GKAP1: variants seen among roughly 807,000 people sequenced by gnomAD.
The protein encoded by GKAP1 is G kinase-anchoring protein 1.
In GKAP1, 31 loss-of-function variants were observed where a neutral mutation model predicts 56.7. That is an observed-to-expected ratio of 0.55 (90% CI 0.41 to 0.74). GKAP1 has a LOEUF of 0.74. GKAP1 is among the 30% of genes least tolerant of loss of function. The pLI is 0.00. For synonymous variants in GKAP1, 151 were observed against 138.6 expected (o/e 1.09, Z -0.63); for missense variants, 364 against 402.3 (o/e 0.90, Z 0.82).
intron 9 of GKAP1, among the ~76,000 whole-genome samples, chr9:83,752,992 G>A (rs937446982): frequency 1.4e-4 from 22 of 151,980 alleles, no homozygotes; most frequent in African/African-American, 4.8e-4. Flanking sequence ...GAACCCAGGC[G>A]GAGGTTGCAC....
intron 8 of GKAP1, among the ~76,000 whole-genome samples, chr9:83,763,572 T>C (rs539975421): frequency 6.6e-6 from 1 of 152,286 alleles, no homozygotes; most frequent in South Asian, 2.1e-4. Flanking sequence ...TTAAAATTTC[T>C]TTAAAAAGAG....
At chr9:83,792,612 T>C (rs1944179665) in intron 4 of GKAP1, among the ~76,000 whole-genome samples, 1 of 152,136 alleles carries the variant, frequency 6.6e-6, no homozygotes, top group South Asian at 2.1e-4. Context: ...AGCACAAGAC[T>C]AACACATATC....
At chr9:83,816,104 G>C (rs1400295445) in intron 2 of GKAP1, among the ~76,000 whole-genome samples, 5 of 151,344 alleles carry the variant, frequency 3.3e-5, no homozygotes, top group Admixed American at 2.6e-4. Context: ...CAGGAGAGCT[G>C]CTTGAACCTG....
In GKAP1 at chr9:83,748,293, C is replaced by G. The variant is rs370107727; in HGVS notation, c.904+16G>C. ...TAAGATAAACTTTTAATTACAAAAA[C>G]ATAAAATCCACTTACTTTCACCTTC... On this transcript the variant is annotated intron_variant, in intron 10 of 12. Coordinates refer to ENST00000376371, the MANE Select transcript of GKAP1 (RefSeq NM_025211.4). 14 of 1,548,438 alleles carry G rather than the reference C, an allele frequency of 9.0e-6. No homozygotes were observed. The African/African-American group carries it at 1.9e-4, about 21-fold the overall frequency.
intron 3 of GKAP1, among the ~76,000 whole-genome samples, chr9:83,805,428 AT>A (rs1203821351): frequency 5.3e-5 from 8 of 151,778 alleles, no homozygotes. Flanking sequence ...ACCCTGCCAA[AT>A]CCCCCTCTGC....
At chr9:83,745,126 G>A (rs1943270467) in intron 10 of GKAP1, among the ~76,000 whole-genome samples, 1 of 152,176 alleles carries the variant, frequency 6.6e-6, no homozygotes, top group East Asian at 1.9e-4. Context: ...AGCCTCCTGG[G>A]CTCATGCAAT....
In GKAP1 at chr9:83,739,641, A is replaced by G. The variant is rs1316690277; in HGVS notation, c.*56T>C. ...AGTTGCACAGCATTAAATATATACAACTTTGCAAAATCCTGGAAGTTTTAA... is the reference window on the plus strand; with the variant it reads ...AGTTGCACAGCATTAAATATATACAGCTTTGCAAAATCCTGGAAGTTTTAA... On this transcript the variant is annotated 3_prime_UTR_variant, in exon 13 of 13. Coordinates refer to ENST00000376371, the MANE Select transcript of GKAP1 (RefSeq NM_025211.4). 6.8e-7 allele frequency: 1 copy of G among 1,461,228 alleles called. No homozygotes were observed. The highest frequency in any genetic ancestry group is 9.4e-7 in the Non-Finnish European group (1 of 1,063,428). The allele number at this position is 1,461,228 out of a possible 1,614,324, so 90.5% of individuals were successfully genotyped here.
intron 9 of GKAP1, 85 bp downstream of exon 9, chr9:83,753,173 A>G: frequency 1.3e-6 from 1 of 748,858 alleles, no homozygotes; most frequent in Non-Finnish European, 2.3e-6. Flanking sequence ...TGAATTGCAT[A>G]TTAAACATAT....
At chr9:83,815,974 T>A (rs1321789156) in intron 2 of GKAP1, among the ~76,000 whole-genome samples, 1 of 144,502 alleles carries the variant, frequency 6.9e-6, no homozygotes, top group Non-Finnish European at 1.5e-5. Context: ...GATCACGAGG[T>A]CAGGAGTTCC....
At chr9:83,744,668 C>T (rs932759280) in intron 10 of GKAP1, among the ~76,000 whole-genome samples, 1 of 152,042 alleles carries the variant, frequency 6.6e-6, no homozygotes, top group Non-Finnish European at 1.5e-5. Flanking sequence ...TCCTTTTTCT[C>T]GTAAGTATTG....
At chr9:83,814,439 C>T (rs1368388590) in intron 2 of GKAP1, among the ~76,000 whole-genome samples, 5 of 152,194 alleles carry the variant, frequency 3.3e-5, no homozygotes, top group Admixed American at 6.5e-5. Context: ...CGTTCTCTGA[C>T]CTGTTCCTGA....
chr9:83,767,770 C>T (rs986932510), intron 8 of GKAP1, among the ~76,000 whole-genome samples: 1 of 152,104 alleles, frequency 6.6e-6, no homozygotes, highest in Non-Finnish European at 1.5e-5. Context: ...TCACTGCAAC[C>T]CCACCTCCTG....
rs554117491 is a variant in GKAP1 at position 83,775,480 on chromosome 9, T to C, written c.585+4902A>G. ...ATATGATAGGAAATATATCACACCATCTAGGAAATATTCTTGCCTCCCTCA... is the reference window on the plus strand; with the variant it reads ...ATATGATAGGAAATATATCACACCACCTAGGAAATATTCTTGCCTCCCTCA... On this transcript the variant is annotated intron_variant, in intron 7 of 12. Coordinates refer to ENST00000376371, the MANE Select transcript of GKAP1 (RefSeq NM_025211.4). Among the ~76,000 whole-genome samples, 11 of 152,218 alleles carry C rather than the reference T, an allele frequency of 7.2e-5. No individual in the cohort carries two copies. In the East Asian group the frequency reaches 2.1e-3, roughly 29 times the overall value.
chr9:83,788,256 C>A (rs1944097546), intron 5 of GKAP1, among the ~76,000 whole-genome samples: 1 of 151,998 alleles, frequency 6.6e-6, no homozygotes, highest in African/African-American at 2.4e-5. Flanking sequence ...CCAGCCTGGG[C>A]AAGAGAGTGA....
At chr9:83,804,672 G>A (rs1380154673) in intron 3 of GKAP1, among the ~76,000 whole-genome samples, 12 of 147,220 alleles carry the variant, frequency 8.2e-5, no homozygotes, top group African/African-American at 2.7e-4. Context: ...GGAGGGAGGT[G>A]GGGGGGTCCA....
At chr9:83,807,852 G>C (rs1944459746) in intron 2 of GKAP1, among the ~76,000 whole-genome samples, 1 of 152,216 alleles carries the variant, frequency 6.6e-6, no homozygotes, top group South Asian at 2.1e-4. Context: ...GGATCATTAA[G>C]ATCCATTCTG....
chr9:83,763,690 T>C (rs555229388), intron 8 of GKAP1, among the ~76,000 whole-genome samples: 1 of 152,306 alleles, frequency 6.6e-6, no homozygotes, highest in South Asian at 2.1e-4. Flanking sequence ...ATTTTAACAG[T>C]GTATCTTTTC....
At chr9:83,760,338 A>G (rs1361654950) in intron 8 of GKAP1, among the ~76,000 whole-genome samples, 1 of 152,146 alleles carries the variant, frequency 6.6e-6, no homozygotes, top group East Asian at 1.9e-4. Context: ...ATACATATGC[A>G]CCCAACACTG....
At position 83,784,850 on chromosome 9, in the gene GKAP1, T is replaced by G; in HGVS notation, c.439-12A>C. ...GCATCTTCATACTCCTAAAAAGAAT[T>G]ACCAACAACAATTAAGTTCAGTTTA... On this transcript the variant is annotated splice_polypyrimidine_tract_variant and intron_variant, in intron 5 of 12. Transcript: ENST00000376371. The G allele has an allele frequency of 6.5e-7, 1 of 1,528,810 alleles. No homozygotes were observed. Among genetic ancestry groups the G allele is most frequent in the Non-Finnish European group, 8.8e-7 (1 of 1,132,554 alleles). The allele number at this position is 1,528,810 out of a possible 1,614,324, so 94.7% of individuals were successfully genotyped here. A position where few individuals can be genotyped will look rare whatever the true frequency, so the allele number is the denominator to read the frequency against.
Sources: allele counts gnomAD v4.1 joint callset (sites outside exome capture counted in the v4.1 genomes callset), GRCh38; gene constraint gnomAD v4.1.1; transcripts MANE v1.5; gene names NCBI Gene and HGNC (gene_info 2026-07-23, HGNC 2026-07-21).